The following HHIPL1 variants were observed in gnomAD, a reference collection of about 807,000 sequenced individuals.
The protein encoded by HHIPL1 is HHIP like 1.
Under a neutral mutation model 61.8 loss-of-function variants are expected in HHIPL1, and 43 were observed. The ratio of observed to expected loss-of-function variants is 0.70; its 90% CI spans 0.55 to 0.90. The LOEUF is 0.90. Among genes scored for constraint, HHIPL1 ranks in the 40% least tolerant of loss-of-function variants. The pLI is 0.00. For missense variants in HHIPL1, 1,056 were observed against 1,157.7 expected (o/e 0.91, Z 1.28); for synonymous variants, 482 against 515.8 (o/e 0.93, Z 0.89).
At position 99,668,694 on chromosome 14, in the gene HHIPL1, G is replaced by A. The variant is rs1001812954; in HGVS notation, c.1730+391G>A. 1.3e-5 allele frequency: 7 copies of A among 538,876 alleles called. No individual in the cohort carries two copies. The Admixed American group carries it at 2.0e-4, about 16-fold the overall frequency. The allele number at this position is 538,876 out of a possible 1,614,324, so 33.4% of individuals were successfully genotyped here. ...ACACCCCAGCCCCCAATTTGCCTCT[G>A]TGATGCCTCCCAGATGACACCCTGA... On this transcript the variant is annotated intron_variant, in intron 7 of 8. Transcript: ENST00000330710. The surrounding 1 kb of genome is among the most constrained non-coding windows in gnomAD (Gnocchi z 4.7).
the HHIPL1 span, among the ~76,000 whole-genome samples, chr14:99,608,930 T>C: frequency 6.6e-6 from 1 of 152,190 alleles, no homozygotes; most frequent in Non-Finnish European, 1.5e-5. Context: ...CCCCATAGAC[T>C]ACTGTCTCCC....
the HHIPL1 span, among the ~76,000 whole-genome samples, chr14:99,621,460 G>A: frequency 0.026 from 3,912 of 152,222 alleles, 91 homozygotes; most frequent in Middle Eastern, 0.048. Context: ...GGTGGGACTG[G>A]GGGATTTTAT....
chr14:99,605,353 C>T, the HHIPL1 span, among the ~76,000 whole-genome samples: 3 of 145,626 alleles, frequency 2.1e-5, no homozygotes, highest in East Asian at 6.6e-4. Flanking sequence ...GCATTTACGG[C>T]GCGTCTACCG....
chr14:99,633,337 G>T, the HHIPL1 span, among the ~76,000 whole-genome samples: 1 of 152,220 alleles, frequency 6.6e-6, no homozygotes, highest in Non-Finnish European at 1.5e-5. Flanking sequence ...GGGAAGCCAG[G>T]TTGACAGGCA....
chr14:99,632,722 C>A, the HHIPL1 span, among the ~76,000 whole-genome samples: 1 of 152,146 alleles, frequency 6.6e-6, no homozygotes, highest in African/African-American at 2.4e-5. Context: ...TACAGGCAAG[C>A]GTTAAGACTG....
rs553640097 is a variant in HHIPL1, at chr14:99,675,311, C to A, written c.2034C>A (p.Pro678=). 2 of 1,353,588 alleles carry A rather than the reference C, an allele frequency of 1.5e-6. No individual in the cohort carries two copies. Among genetic ancestry groups the A allele is most frequent in the African/African-American group, 3.0e-5 (2 of 65,848 alleles). The allele number at this position is 1,353,588 out of a possible 1,614,324, so 83.8% of individuals were successfully genotyped here. The change falls in exon 9 of 9, where the codon CCC becomes CCA. Residue 678 remains proline, a synonymous_variant. Coordinates refer to ENST00000330710, the MANE Select transcript of HHIPL1 (RefSeq NM_001127258.3). This position sits in a 1 kb window ranked among gnomAD's most constrained non-coding sequence, Gnocchi z 5.4. ...ATGGCGAGGTGCGCCTGGTGCGGCCCGCGGGCCTGAGCTCTGGCAGCGGGC... is the reference window on the plus strand; with the variant it reads ...ATGGCGAGGTGCGCCTGGTGCGGCCAGCGGGCCTGAGCTCTGGCAGCGGGC... ...FRDGEVRLVR[P]AGLSSGSGRV... is the part of the protein sequence containing the mutation.
chr14:99,639,426 C>T, the HHIPL1 span, among the ~76,000 whole-genome samples: 4 of 152,094 alleles, frequency 2.6e-5, no homozygotes, highest in East Asian at 3.9e-4. Flanking sequence ...CTCACTGCAG[C>T]GTCGACCTCC....
the HHIPL1 span, among the ~76,000 whole-genome samples, chr14:99,608,551 T>G: frequency 6.6e-6 from 1 of 152,156 alleles, no homozygotes; most frequent in Non-Finnish European, 1.5e-5. Context: ...AACAAAGTGT[T>G]TGGTGGTAGC....
chr14:99,674,258 C>A (rs1471350475), intron 8 of HHIPL1, among the ~76,000 whole-genome samples: 1 of 151,976 alleles, frequency 6.6e-6, no homozygotes, highest in Non-Finnish European at 1.5e-5. Flanking sequence ...ATGGCAGTGC[C>A]CAGTGCCTGG....
intron 5 of HHIPL1, among the ~76,000 whole-genome samples, chr14:99,662,024 C>T (rs190759628): frequency 2.3e-4 from 35 of 152,250 alleles, no homozygotes; most frequent in Admixed American, 2.0e-3. Context: ...GTTTTTACCC[C>T]TGATTCTCCT....
At position 99,677,796 on chromosome 14, in the gene HHIPL1, A is replaced by C. The variant is rs987450191; in HGVS notation, c.*2170A>C. 1.3e-5 allele frequency: 2 copies of C among 152,042 alleles called. No homozygotes were observed. The highest frequency in any genetic ancestry group is 1.5e-5 in the Non-Finnish European group (1 of 68,034). 9.4% of individuals were successfully genotyped at this position (152,042 alleles called of 1,614,324 possible). On this transcript the variant is annotated 3_prime_UTR_variant, in exon 9 of 9. Transcript: ENST00000330710. This position sits in a 1 kb window ranked among gnomAD's most constrained non-coding sequence, Gnocchi z 4.3. The stretch of plus-strand genomic sequence containing the variant: ...TGGGTGCGGCCTCAGGCCCTCCAGT[A>C]CTTCTCTGGGCAGTTCGGGCTTTGG...
intron 7 of HHIPL1, among the ~76,000 whole-genome samples, chr14:99,669,704 TTCATGA>T (rs562003520): frequency 1.7e-3 from 262 of 152,258 alleles, no homozygotes; most frequent in African/African-American, 5.8e-3. Flanking sequence ...GTCGGAGAGT[TTCATGA>T]GCCCAGAAAT....
the HHIPL1 span, among the ~76,000 whole-genome samples, chr14:99,614,199 A>G: frequency 4.2e-3 from 647 of 152,288 alleles, 10 homozygotes; most frequent in African/African-American, 0.015. Flanking sequence ...ACCCCAGGCC[A>G]CACGGTGAGG....
At chr14:99,651,047 G>C (rs189417880) in intron 1 of HHIPL1, among the ~76,000 whole-genome samples, 1 of 152,170 alleles carries the variant, frequency 6.6e-6, no homozygotes, top group Non-Finnish European at 1.5e-5. Context: ...TCAGGAGTTC[G>C]AGAGCATCCT....
chr14:99,673,311 A>G (rs1301872638), intron 8 of HHIPL1, among the ~76,000 whole-genome samples: 1 of 151,656 alleles, frequency 6.6e-6, no homozygotes, highest in Non-Finnish European at 1.5e-5. Flanking sequence ...TCATTTACTC[A>G]TTCAGCAGTT....
rs1412962424 is a variant in HHIPL1, at chr14:99,660,015, T to C, written c.1375+259T>C. The stretch of plus-strand genomic sequence containing the variant: ...GTGAGCCAAAGCCTCCTTCGGTGAC[T>C]GCCCCCGCCTCCACCCGGAGCCTCC... On this transcript the variant is annotated intron_variant, in intron 4 of 8. Transcript: ENST00000330710. The surrounding 1 kb of genome is among the most constrained non-coding windows in gnomAD (Gnocchi z 4.9). 1.3e-5 allele frequency among the ~76,000 whole-genome samples: 2 copies of C among 150,888 alleles called. No homozygotes were observed. Among genetic ancestry groups the C allele is most frequent in the Non-Finnish European group, 3.0e-5 (2 of 67,710 alleles).
the HHIPL1 span, among the ~76,000 whole-genome samples, chr14:99,636,412 G>A: frequency 1.3e-5 from 2 of 152,204 alleles, no homozygotes; most frequent in African/African-American, 4.8e-5. Flanking sequence ...TCCTAGCACG[G>A]TTGTGGGTCT....
chr14:99,674,025 G>A (rs546289286), intron 8 of HHIPL1, among the ~76,000 whole-genome samples: 61 of 151,946 alleles, frequency 4.0e-4, no homozygotes, highest in African/African-American at 1.5e-3. Context: ...GGAGCAGGAG[G>A]TGGGGGCCAG....
intron 7 of HHIPL1, among the ~76,000 whole-genome samples, chr14:99,669,909 A>G (rs1484380437): frequency 6.6e-6 from 1 of 152,230 alleles, no homozygotes; most frequent in Non-Finnish European, 1.5e-5. Context: ...TGGATAACAG[A>G]GCAAGACCCT....
Sources: allele counts gnomAD v4.1 joint callset (sites outside exome capture counted in the v4.1 genomes callset), GRCh38; gene constraint gnomAD v4.1.1; non-coding constraint Gnocchi (gnomAD v3.1); transcripts MANE v1.5; gene names NCBI Gene and HGNC (gene_info 2026-07-23, HGNC 2026-07-21).